Variants in FBXO2 observed in about 807,000 individuals in gnomAD.
FBXO2 encodes F-box only protein 2.
Under a neutral mutation model 38.6 loss-of-function variants are expected in FBXO2, and 32 were observed. That is an observed-to-expected ratio of 0.83 (90% confidence interval 0.62 to 1.11). The LOEUF (loss-of-function observed/expected upper bound fraction) is 1.11, where lower values mean the gene tolerates loss of function less well. Ranked by LOEUF, FBXO2 falls within the 50% of genes most tolerant of loss-of-function variation. The pLI, the probability that FBXO2 is intolerant of heterozygous loss-of-function variation, is 0.00. For synonymous variants in FBXO2, 189 were observed against 182.9 expected (o/e 1.03, Z -0.27); for missense variants, 450 against 418.3 (o/e 1.08, Z -0.66).
intron 1 of FBXO2, among the ~76,000 whole-genome samples, chr1:11,653,110 C>A (rs1159148584): frequency 6.6e-6 from 1 of 152,182 alleles, no homozygotes; most frequent in Non-Finnish European, 1.5e-5. Context: ...AGTCACATCA[C>A]CTGCCCAGGC....
Position 11,649,946 on chromosome 1 carries a change from C to T in FBXO2, c.520G>A (p.Glu174Lys). 1 of 1,614,026 alleles carries T rather than the reference C, an allele frequency of 6.2e-7. No homozygotes were observed. The highest frequency in any genetic ancestry group is 8.5e-7 in the Non-Finnish European group (1 of 1,180,016). The change falls in exon 3 of 6, where the codon GAG (glutamate) becomes AAG (lysine). Residue 174 changes from glutamate (E) to lysine (K), a missense_variant and splice_region_variant. By Grantham distance (56) the Glu-to-Lys change is moderately conservative. Coordinates refer to ENST00000354287, the MANE Select transcript of FBXO2 (RefSeq NM_012168.6). ...SVKKYFASSF[E>K]WCRKAQVIDL... Reference sequence around the variant, plus strand: ...CCTCCTCCACCCCCTTCTCCTTACTCAAAGGAGGAGGCGAAGTACTTCTTG... The same window carrying T: ...CCTCCTCCACCCCCTTCTCCTTACTTAAAGGAGGAGGCGAAGTACTTCTTG...
rs1344761562 is a variant in FBXO2 at position 11,649,492 on chromosome 1, G to A, written c.618-267C>T. The A allele has an allele frequency of 3.9e-5, 23 of 588,910 alleles. No homozygotes were observed. In the East Asian group the frequency reaches 4.5e-4, roughly 12 times the overall value. The allele number at this position is 588,910 out of a possible 1,614,324, so 36.5% of individuals were successfully genotyped here. ...CTTGGGGCCAAAGCCAGTCCACAGA[G>A]TGGCCTTTGGTTTGGACCGCAGACT... On this transcript the variant is annotated intron_variant, in intron 4 of 5. Transcript: ENST00000354287.
Position 11,648,460 on chromosome 1 carries a change from T to C in FBXO2, c.*234A>G, listed in dbSNP as rs1160627550. 5.2e-6 allele frequency: 3 copies of C among 573,442 alleles called. No individual in the cohort carries two copies. Among genetic ancestry groups the C allele is most frequent in the Middle Eastern group, 4.2e-4 (1 of 2,372 alleles). The allele number at this position is 573,442 out of a possible 1,614,324, so 35.5% of individuals were successfully genotyped here. On this transcript the variant is annotated 3_prime_UTR_variant, in exon 6 of 6. Coordinates refer to ENST00000354287, the MANE Select transcript of FBXO2 (RefSeq NM_012168.6). This position sits in a 1 kb window ranked among gnomAD's most constrained non-coding sequence, Gnocchi z 4.2. ...TGTGCTAGGTGCAGGGAATCAGCAGTGGGTCCAGTCCAAGCTCACGCCCTC... is the reference window on the plus strand; with the variant it reads ...TGTGCTAGGTGCAGGGAATCAGCAGCGGGTCCAGTCCAAGCTCACGCCCTC...
Position 11,648,755 on chromosome 1 carries a change from A to G in FBXO2, c.830T>C (p.Val277Ala). 1 of 1,613,636 alleles carries G rather than the reference A, an allele frequency of 6.2e-7. No individual in the cohort carries two copies. The highest frequency in any genetic ancestry group is 8.5e-7 in the Non-Finnish European group (1 of 1,180,026). Residue 277 changes from valine to alanine, a missense_variant, in exon 6 of 6, where the codon GTC becomes GCC. Physicochemically the swap from Val to Ala is moderately conservative, Grantham distance 64 (BLOSUM62 0). Coordinates refer to ENST00000354287, the MANE Select transcript of FBXO2 (RefSeq NM_012168.6). The surrounding 1 kb of genome is among the most constrained non-coding windows in gnomAD (Gnocchi z 4.2). The stretch of plus-strand genomic sequence containing the variant: ...GGCCCCGAACCAGCCCTTCCAGTAG[A>G]CGGAGTCCTGCCCCCCGTGCTCGAA... ...VRFEHGGQDS[V>A]YWKGWFGARV...
chr1:11,651,042 T>C (rs1326202357), intron 1 of FBXO2, among the ~76,000 whole-genome samples: 2 of 152,250 alleles, frequency 1.3e-5, no homozygotes, highest in Admixed American at 1.3e-4. Flanking sequence ...TCCAAAGAGG[T>C]GCCTCAGAGG....
Position 11,648,580 on chromosome 1 carries a change from GGGA to G in FBXO2, c.*111_*113del. On this transcript the variant is annotated 3_prime_UTR_variant, in exon 6 of 6. Coordinates refer to ENST00000354287, the MANE Select transcript of FBXO2 (RefSeq NM_012168.6). This position sits in a 1 kb window ranked among gnomAD's most constrained non-coding sequence, Gnocchi z 4.2. Reference sequence around the variant, plus strand: ...AGGGGCTGGGATCGGAGCAAGGGATGGGAGGAGGATGTGTGGCTTGGGGAAGGT... The same window carrying G: ...AGGGGCTGGGATCGGAGCAAGGGATGGGAGGATGTGTGGCTTGGGGAAGGT... The G allele has an allele frequency of 7.2e-7, 1 of 1,395,708 alleles. No homozygotes were observed. The highest frequency in any genetic ancestry group is 1.3e-5 in the South Asian group (1 of 74,932). The allele number at this position is 1,395,708 out of a possible 1,614,324, so 86.5% of individuals were successfully genotyped here. A position where few individuals can be genotyped will look rare whatever the true frequency, so the allele number is the denominator to read the frequency against.
rs763514760 is a variant in FBXO2, at chr1:11,650,777, G to A, written c.80C>T (p.Ala27Val). 391 of 1,535,294 alleles carry A rather than the reference G, an allele frequency of 2.5e-4. 1 individual carries two copies. The highest frequency in any genetic ancestry group is 3.0e-4 in the Non-Finnish European group (342 of 1,146,412). Residue 27 changes from alanine to valine, a missense_variant, in exon 2 of 6, where the codon GCT becomes GTT. Ala to Val is a moderately conservative substitution (Grantham distance 64). Transcript: ENST00000354287. ...SPEEQPEEAS[A>V]EEERPEDQQE... is the part of the protein sequence containing the mutation. The stretch of plus-strand genomic sequence containing the variant: ...CTGGTCCTCCGGCCGCTCCTCCTCA[G>A]CACTCGCCTCCTCTGGCTGCTCCTC...
chr1:11,651,803 C>A (rs1273581686), intron 1 of FBXO2, among the ~76,000 whole-genome samples: 2 of 151,976 alleles, frequency 1.3e-5, no homozygotes, highest in African/African-American at 4.8e-5. Flanking sequence ...AGCTGAGAAG[C>A]GATTCTTCTG....
In FBXO2 at chr1:11,650,039, C is replaced by T. The variant is rs1433558466; in HGVS notation, c.427G>A (p.Gly143Arg). Residue 143 changes from glycine (G) to arginine (R), a missense_variant, in exon 3 of 6, where the codon GGG (glycine) becomes AGG (arginine). Transcript: ENST00000354287. ...AGCTCCTCCACCCTCCAGCCGTCCC[C>T]ACCATGCTCCACGTCACACCAGCCT... is the stretch of plus-strand genomic sequence containing the variant. ...LEGWCDVEHG[G>R]DGWRVEELPG... The T allele has an allele frequency of 1.2e-6, 2 of 1,614,018 alleles. No homozygotes were observed. Among genetic ancestry groups the T allele is most frequent in the East Asian group, 2.2e-5 (1 of 44,898 alleles).
In FBXO2 at chr1:11,648,998, C is replaced by CA; in HGVS notation, c.756+88dup. On this transcript the variant is annotated intron_variant, in intron 5 of 5. Transcript: ENST00000354287. The surrounding 1 kb of genome is among the most constrained non-coding windows in gnomAD (Gnocchi z 4.2). ...CAGCCCAGCCCAGCCCAGCCCACCC[C>CA]AGCCCAGGAGCGCTGTGGGCGGGGT... is the stretch of plus-strand genomic sequence containing the variant. 6.8e-7 allele frequency: 1 copy of CA among 1,465,490 alleles called. No homozygotes were observed. Among genetic ancestry groups the CA allele is most frequent in the East Asian group, 2.5e-5 (1 of 40,654 alleles). The allele number at this position is 1,465,490 out of a possible 1,614,324, so 90.8% of individuals were successfully genotyped here.
rs1411178846 is a variant in FBXO2 at position 11,650,055 on chromosome 1, A to C, written c.411T>G (p.Cys137Trp). The part of the protein sequence containing the change: ...PCGEEDLEGW[C>W]DVEHGGDGWR... ...AGCCGTCCCCACCATGCTCCACGTC[A>C]CACCAGCCTTCCAAGTCCTCTGTAG... Residue 137 changes from cysteine to tryptophan, a missense_variant, in exon 3 of 6, where the codon TGT becomes TGG. Cys to Trp is a radical substitution (Grantham distance 215). Coordinates refer to ENST00000354287, the MANE Select transcript of FBXO2 (RefSeq NM_012168.6). 50 of 1,613,718 alleles carry C rather than the reference A, an allele frequency of 3.1e-5. No homozygotes were observed. Among genetic ancestry groups the C allele is most frequent in the Non-Finnish European group, 4.1e-5 (48 of 1,179,976 alleles).
chr1:11,649,264 G>T, intron 4 of FBXO2, 39 bp from the exon 5 acceptor site: 1 of 1,230,416 alleles, frequency 8.1e-7, no homozygotes, highest in Non-Finnish European at 1.1e-6. Context: ...GGCGGGAGGT[G>T]GGGTGGGGGC....
At chr1:11,654,280 C>A in intron 1 of FBXO2, 39 bp downstream of exon 1, 1 of 1,488,108 alleles carries the variant, frequency 6.7e-7, no homozygotes, top group Non-Finnish European at 8.9e-7. Context: ...GACCCCATCT[C>A]CCCTCCCCGC....
chr1:11,652,107 T>C (rs904408307), intron 1 of FBXO2, among the ~76,000 whole-genome samples: 1 of 152,162 alleles, frequency 6.6e-6, no homozygotes, highest in Non-Finnish European at 1.5e-5. Flanking sequence ...GGGATTACAG[T>C]CATGCTCCAC....
intron 4 of FBXO2, 54 bp from the exon 5 acceptor site, chr1:11,649,279 C>T: frequency 7.3e-7 from 1 of 1,375,226 alleles, no homozygotes; most frequent in Non-Finnish European, 1.0e-6. Context: ...GGGGGCATGG[C>T]CTCAGCCCTG....
chr1:11,651,832 T>TGGGATGA (rs1196463331), intron 1 of FBXO2, among the ~76,000 whole-genome samples: 2 of 152,096 alleles, frequency 1.3e-5, no homozygotes, highest in Non-Finnish European at 2.9e-5. Flanking sequence ...TCCCAAGTAC[T>TGGGATGA]GGGATGACAG....
Position 11,649,842 on chromosome 1 carries a change from T to C in FBXO2, c.554A>G (p.Gln185Arg). 2 of 1,614,030 alleles carry C rather than the reference T, an allele frequency of 1.2e-6. No homozygotes were observed. The highest frequency in any genetic ancestry group is 8.5e-7 in the Non-Finnish European group (1 of 1,180,014). ...CAGCTCCTCCCAGTAGCCCTCAGCC[T>C]GCAGGTCAATGACCTGTGCTTTGCG... ...WCRKAQVIDL[Q>R]AEGYWEELLD... The change falls in exon 4 of 6, where the codon CAG (glutamine) becomes CGG (arginine). Residue 185 changes from glutamine (Q) to arginine (R), a missense_variant. Gln to Arg is a conservative substitution (Grantham distance 43). Coordinates refer to ENST00000354287, the MANE Select transcript of FBXO2 (RefSeq NM_012168.6).
At position 11,648,497 on chromosome 1, in the gene FBXO2, T is replaced by G. The variant is rs1639453755; in HGVS notation, c.*197A>C. The G allele has an allele frequency of 4.3e-6, 3 of 695,904 alleles. No individual in the cohort carries two copies. The highest frequency in any genetic ancestry group is 7.1e-6 in the Non-Finnish European group (3 of 424,264). 43.1% of individuals were successfully genotyped at this position (695,904 alleles called of 1,614,324 possible). A position where few individuals can be genotyped will look rare whatever the true frequency, so the allele number is the denominator to read the frequency against. ...AAGCTCACGCCCTCACGGATCTACA[T>G]TCTAGAAGCCGGCTACCTAAGCAAA... On this transcript the variant is annotated 3_prime_UTR_variant, in exon 6 of 6. Transcript: ENST00000354287. The surrounding 1 kb of genome is among the most constrained non-coding windows in gnomAD (Gnocchi z 4.2).
At position 11,650,614 on chromosome 1, in the gene FBXO2, C is replaced by T. The variant is rs1292114477; in HGVS notation, c.243G>A (p.Leu81=). 2 of 1,587,160 alleles carry T rather than the reference C, an allele frequency of 1.3e-6. No individual in the cohort carries two copies. The highest frequency in any genetic ancestry group is 8.5e-7 in the Non-Finnish European group (1 of 1,171,180). The change falls in exon 2 of 6, where the codon CTG becomes CTA. Residue 81 remains leucine (L), a synonymous_variant. Coordinates refer to ENST00000354287, the MANE Select transcript of FBXO2 (RefSeq NM_012168.6). ...GCAGCCACAGCGGGGCGCCGTCCAC[C>T]AGCTCCTTCCAGCGCAGGCACACCA... ...CRLVCLRWKE[L]VDGAPLWLLK... is the part of the protein sequence containing the mutation.
Sources: gnomAD v4.1 joint callset for allele counts (sites outside exome capture counted in the v4.1 genomes callset) on GRCh38, gnomAD v4.1.1 for gene constraint, Gnocchi (gnomAD v3.1) non-coding constraint, MANE v1.5 for transcripts, NCBI Gene and HGNC (gene_info 2026-07-23, HGNC 2026-07-21) for gene names.